Variants in CSMD1 observed in about 807,000 individuals in gnomAD.
CSMD1 encodes CUB and sushi domain-containing protein 1.
CSMD1 carries 213 observed loss-of-function variants against 417.5 expected under a neutral mutation model. The observed-to-expected ratio is 0.51, with a 90% CI of 0.46 to 0.57. CSMD1 has a LOEUF of 0.57. CSMD1 is among the 20% of genes least tolerant of loss of function. CSMD1 has a pLI of 0.00. For synonymous variants in CSMD1, 2,862 were observed against 1,736.8 expected (o/e 1.65, Z -16.11); for missense variants, 6,923 against 4,529.7 (o/e 1.53, Z -15.17).
At chr8:4,084,290 C>T (rs2552150) in intron 3 of CSMD1, among the ~76,000 whole-genome samples, 2 of 149,232 alleles carry the variant, frequency 1.3e-5, no homozygotes, top group East Asian at 2.0e-4. Flanking sequence ...AATCTTTCAA[C>T]TTTTATGAAA....
intron 1 of CSMD1, among the ~76,000 whole-genome samples, chr8:4,729,646 G>T (rs981137889): frequency 6.6e-6 from 1 of 152,164 alleles, no homozygotes; most frequent in Non-Finnish European, 1.5e-5. Flanking sequence ...TGCAAACTTT[G>T]CATGAGTATC....
intron 41 of CSMD1, among the ~76,000 whole-genome samples, 168 bp downstream of exon 41, chr8:3,142,297 T>G (rs978419780): frequency 5.3e-5 from 8 of 152,150 alleles, no homozygotes; most frequent in Admixed American, 2.6e-4. Context: ...TTACCTCTGT[T>G]TTCAAAAACA....
At chr8:4,118,030 G>T (rs956929399) in intron 3 of CSMD1, among the ~76,000 whole-genome samples, 1 of 151,280 alleles carries the variant, frequency 6.6e-6, no homozygotes, top group Admixed American at 6.6e-5. Context: ...TTTTTCTCAA[G>T]CCTCTTAGTC....
intron 2 of CSMD1, among the ~76,000 whole-genome samples, chr8:4,630,433 C>T (rs1207645332): frequency 6.6e-6 from 1 of 152,028 alleles, no homozygotes; most frequent in Non-Finnish European, 1.5e-5. Context: ...CTCCTTCTCT[C>T]TAGACAACTG....
At chr8:4,007,184 T>G (rs1013380548) in intron 4 of CSMD1, among the ~76,000 whole-genome samples, 2 of 152,144 alleles carry the variant, frequency 1.3e-5, no homozygotes, top group African/African-American at 4.8e-5. Context: ...ATGCCCACTT[T>G]CATAGAACAT....
chr8:4,657,737 C>G (rs544977220), intron 1 of CSMD1, among the ~76,000 whole-genome samples: 80 of 148,408 alleles, frequency 5.4e-4, no homozygotes, highest in African/African-American at 1.8e-3. Flanking sequence ...AAAAAAAACT[C>G]TCCCTGAAAA....
At chr8:3,398,970 T>G (rs1811870399) in intron 16 of CSMD1, among the ~76,000 whole-genome samples, 2 of 152,182 alleles carry the variant, frequency 1.3e-5, no homozygotes, top group African/African-American at 4.8e-5. Context: ...TCAGCATCAC[T>G]AGCTGCCCTC....
intron 25 of CSMD1, among the ~76,000 whole-genome samples, chr8:3,290,631 G>A (rs1803483226): frequency 6.8e-6 from 1 of 147,118 alleles, no homozygotes. Context: ...CTGTTTGTCT[G>A]TTATTGGCGT....
At chr8:3,399,285 G>A (rs1425177412) in intron 16 of CSMD1, 106 bp downstream of exon 16, 4 of 1,062,434 alleles carry the variant, frequency 3.8e-6, no homozygotes, top group African/African-American at 1.6e-5. Flanking sequence ...CTCCTATGCG[G>A]GAACCGAAAA....
intron 5 of CSMD1, among the ~76,000 whole-genome samples, chr8:3,787,050 A>C (rs1303004056): frequency 6.6e-6 from 1 of 152,116 alleles, no homozygotes; most frequent in African/African-American, 2.4e-5. Flanking sequence ...GTGAAGTGTC[A>C]TATTTATTCT....
intron 7 of CSMD1, among the ~76,000 whole-genome samples, chr8:3,689,283 G>A (rs543622158): frequency 1.5e-4 from 23 of 152,120 alleles, no homozygotes; most frequent in African/African-American, 5.3e-4. Context: ...AGCGTCAGGG[G>A]CCTGTGGCTA....
chr8:4,538,657 T>C (rs1481645553), intron 2 of CSMD1, among the ~76,000 whole-genome samples: 1 of 151,754 alleles, frequency 6.6e-6, no homozygotes, highest in Non-Finnish European at 1.5e-5. Context: ...AAAAATGAAA[T>C]GAAATGAAAT....
intron 23 of CSMD1, among the ~76,000 whole-genome samples, chr8:3,312,551 C>G (rs79482406): frequency 0.02 from 3,057 of 152,212 alleles, 41 homozygotes; most frequent in East Asian, 0.036. Flanking sequence ...TCTCAAAGCT[C>G]CTCGCAGGAT....
At chr8:3,152,333 T>C (rs923083424) in intron 39 of CSMD1, among the ~76,000 whole-genome samples, 1 of 152,242 alleles carries the variant, frequency 6.6e-6, no homozygotes, top group African/African-American at 2.4e-5. Context: ...TGATCATTTG[T>C]AGCCTATTAA....
At chr8:3,628,869 T>C (rs1796625446) in intron 7 of CSMD1, among the ~76,000 whole-genome samples, 1 of 59,032 alleles carries the variant, frequency 1.7e-5, no homozygotes, top group African/African-American at 5.2e-5. Flanking sequence ...ATAATCTAAG[T>C]TTTTTTAAAA....
intron 3 of CSMD1, among the ~76,000 whole-genome samples, chr8:4,185,654 T>G (rs1798627949): frequency 6.6e-6 from 1 of 152,238 alleles, no homozygotes; most frequent in East Asian, 1.9e-4. Flanking sequence ...GTGACACATT[T>G]TAACATAGTC....
At chr8:4,620,542 AT>A (rs1477120884) in intron 2 of CSMD1, among the ~76,000 whole-genome samples, 2 of 151,840 alleles carry the variant, frequency 1.3e-5, no homozygotes, top group Admixed American at 1.3e-4. Flanking sequence ...AATCTAAAGA[AT>A]AAAAATTGCA....
chr8:4,005,007 T>A (rs944020979), intron 4 of CSMD1, among the ~76,000 whole-genome samples: 3 of 152,108 alleles, frequency 2.0e-5, no homozygotes, highest in Non-Finnish European at 4.4e-5. Flanking sequence ...GCCTCCCTAG[T>A]GACTCTTATT....
At chr8:4,043,114 G>A (rs980732192) in intron 3 of CSMD1, among the ~76,000 whole-genome samples, 1 of 151,976 alleles carries the variant, frequency 6.6e-6, no homozygotes, top group Non-Finnish European at 1.5e-5. Flanking sequence ...GCCTGGGTGA[G>A]ACAGTGAGAC....
Sources: gnomAD v4.1 joint callset for allele counts (sites outside exome capture counted in the v4.1 genomes callset) on GRCh38, gnomAD v4.1.1 for gene constraint, MANE v1.5 for transcripts, NCBI Gene and HGNC (gene_info 2026-07-23, HGNC 2026-07-21) for gene names.